Variants in NRXN3 observed in about 807,000 individuals in gnomAD.
The protein encoded by NRXN3 is neurexin III.
In NRXN3, 32 loss-of-function variants were observed where a neutral mutation model predicts 137.6. The ratio of observed to expected loss-of-function variants is 0.23; its 90% CI spans 0.18 to 0.31. The LOEUF is 0.31. NRXN3 is among the 10% of genes least tolerant of loss of function. NRXN3 has a pLI of 1.00. For synonymous variants in NRXN3, 798 were observed against 784.5 expected (o/e 1.02, Z -0.29); for missense variants, 1,574 against 2,062.5 (o/e 0.76, Z 4.59).
intron 4 of NRXN3, among the ~76,000 whole-genome samples, chr14:78,563,896 C>A (rs988730766): frequency 6.6e-6 from 1 of 152,184 alleles, no homozygotes; most frequent in Non-Finnish European, 1.5e-5. Context: ...AAGGAGGAAG[C>A]AGAACTGGAA....
At chr14:78,175,376 T>C (rs169927) in intron 1 of NRXN3, among the ~76,000 whole-genome samples, 89,170 of 151,880 alleles carry the variant, frequency 0.59, 26,562 homozygotes, top group African/African-American at 0.69. Context: ...GAAGAGATTG[T>C]TCTTGGTATC....
At chr14:78,403,996 C>T (rs1294860852) in intron 4 of NRXN3, 1 of 579,926 alleles carries the variant, frequency 1.7e-6, no homozygotes, top group East Asian at 1.4e-4. Flanking sequence ...TATTTGGAAG[C>T]TTAAATGTGG....
At chr14:78,485,246 G>A (rs2095543025) in intron 4 of NRXN3, among the ~76,000 whole-genome samples, 1 of 152,162 alleles carries the variant, frequency 6.6e-6, no homozygotes, top group Non-Finnish European at 1.5e-5. Flanking sequence ...CCCCCGGTTG[G>A]GAGATTCAAG....
chr14:78,501,665 A>G (rs2095878416), intron 4 of NRXN3, among the ~76,000 whole-genome samples: 1 of 152,130 alleles, frequency 6.6e-6, no homozygotes. Context: ...GCAGAAGGAC[A>G]TTTCAATTCT....
chr14:79,623,859 T>G (rs1288798032), intron 16 of NRXN3, among the ~76,000 whole-genome samples: 2 of 151,462 alleles, frequency 1.3e-5, no homozygotes, highest in Non-Finnish European at 1.5e-5. Flanking sequence ...GTTTTTTTTT[T>G]TTTTTTTTTT....
intron 6 of NRXN3, among the ~76,000 whole-genome samples, chr14:78,703,387 G>A (rs1381024951): frequency 1.3e-5 from 2 of 152,138 alleles, no homozygotes; most frequent in African/African-American, 2.4e-5. Context: ...GACCCCAGAA[G>A]CAAGATTCTT....
intron 15 of NRXN3, among the ~76,000 whole-genome samples, chr14:79,168,753 C>G (rs536873910): frequency 6.6e-6 from 1 of 152,100 alleles, no homozygotes; most frequent in African/African-American, 2.4e-5. Context: ...GCATTTCCTT[C>G]AAAAGTCAGT....
chr14:79,448,084 A>G (rs1459954304), intron 15 of NRXN3, among the ~76,000 whole-genome samples: 3 of 152,122 alleles, frequency 2.0e-5, no homozygotes, highest in South Asian at 2.1e-4. Flanking sequence ...GTCTTCTGCT[A>G]TCATTTGTTT....
At chr14:78,541,731 G>T (rs1388837669) in intron 4 of NRXN3, among the ~76,000 whole-genome samples, 7 of 152,196 alleles carry the variant, frequency 4.6e-5, no homozygotes, top group African/African-American at 1.7e-4. Context: ...TCCTGCTCTG[G>T]TTTCTCCCCA....
Position 79,384,475 on chromosome 14 carries a change from A to C in NRXN3, c.3263-82746A>C, listed in dbSNP as rs558288869. Reference sequence around the variant, plus strand: ...TTGGCACTGTTCTTTTGAATTAGGAAATACAGAAAAACAGTTAAATTTGGT... The same window carrying C: ...TTGGCACTGTTCTTTTGAATTAGGACATACAGAAAAACAGTTAAATTTGGT... On this transcript the variant is annotated intron_variant, in intron 15 of 20. Coordinates refer to ENST00000335750, the MANE Select transcript of NRXN3 (RefSeq NM_001330195.2). Among the ~76,000 whole-genome samples the C allele has an allele frequency of 3.5e-4, 53 of 152,288 alleles. 1 individual carries two copies. The highest frequency in any genetic ancestry group is 3.5e-3 in the Admixed American group (53 of 15,282).
At chr14:79,072,565 T>C (rs1294905860) in intron 15 of NRXN3, 1 of 152,208 alleles carries the variant, frequency 6.6e-6, no homozygotes, top group Non-Finnish European at 1.5e-5. Flanking sequence ...TTTGTGGTTT[T>C]AAAACAGAGA....
chr14:79,430,981 C>T (rs1600185086), intron 15 of NRXN3, among the ~76,000 whole-genome samples: 1 of 152,126 alleles, frequency 6.6e-6, no homozygotes, highest in Non-Finnish European at 1.5e-5. Context: ...TTTGTGACTC[C>T]TCCCTCATAT....
intron 15 of NRXN3, among the ~76,000 whole-genome samples, chr14:79,403,053 C>A (rs2095243002): frequency 6.6e-6 from 1 of 152,034 alleles, no homozygotes; most frequent in African/African-American, 2.4e-5. Flanking sequence ...ATATTTGTTT[C>A]TTTTGGGGGG....
intron 15 of NRXN3, chr14:79,279,481 G>T (rs909063272): frequency 1.0e-6 from 1 of 986,210 alleles, no homozygotes; most frequent in Non-Finnish European, 1.2e-6. Flanking sequence ...TTGCGCTCTC[G>T]CTGATTTCGC....
chr14:78,767,013 T>C (rs988995324), intron 8 of NRXN3, among the ~76,000 whole-genome samples: 13 of 152,218 alleles, frequency 8.5e-5, no homozygotes, highest in Admixed American at 2.6e-4. Flanking sequence ...AACAAATTAC[T>C]AGGGACTTAG....
At chr14:79,011,382 CAACCCACCT>C (rs2099570872) in intron 15 of NRXN3, among the ~76,000 whole-genome samples, 3 of 108,322 alleles carry the variant, frequency 2.8e-5, no homozygotes, top group Admixed American at 9.9e-5. Flanking sequence ...CACCTCCCCC[CAACCCACCT>C]CCCCCCAACC....
At chr14:78,432,221 A>G (rs2093908892) in intron 4 of NRXN3, among the ~76,000 whole-genome samples, 1 of 152,004 alleles carries the variant, frequency 6.6e-6, no homozygotes, top group African/African-American at 2.4e-5. Flanking sequence ...CCAGATGGGA[A>G]TTCTAGCAGC....
At chr14:79,105,320 C>T (rs2052203637) in intron 15 of NRXN3, among the ~76,000 whole-genome samples, 1 of 152,130 alleles carries the variant, frequency 6.6e-6, no homozygotes, top group Non-Finnish European at 1.5e-5. Context: ...TCTTCAGTCA[C>T]ACGTGAATTG....
chr14:79,792,000 G>A (rs576044775), intron 19 of NRXN3, among the ~76,000 whole-genome samples: 100 of 152,246 alleles, frequency 6.6e-4, no homozygotes, highest in African/African-American at 2.3e-3. Flanking sequence ...ACTTATGTCC[G>A]TGCTATGCCA....
Sources: allele counts gnomAD v4.1 joint callset (sites outside exome capture counted in the v4.1 genomes callset), GRCh38; gene constraint gnomAD v4.1.1; transcripts MANE v1.5; gene names NCBI Gene and HGNC (gene_info 2026-07-23, HGNC 2026-07-21).